Variants in ERICH1 observed in about 807,000 individuals in gnomAD.
ERICH1 encodes the protein glutamate-rich protein 1.
ERICH1 carries 56 observed loss-of-function variants against 39.6 expected under a neutral mutation model. The ratio of observed to expected loss-of-function variants is 1.41; its 90% CI spans 1.14 to 1.77. The LOEUF (loss-of-function observed/expected upper bound fraction) is 1.77, where lower values mean the gene tolerates loss of function less well. Ranked by LOEUF, ERICH1 falls within the 40% of genes most tolerant of loss-of-function variation. ERICH1 has a pLI of 0.00. For missense variants in ERICH1, 826 were observed against 575.4 expected, an observed-to-expected ratio of 1.44 and a Z score of -4.45; for synonymous variants, 313 against 223.6, an observed-to-expected ratio of 1.40 and a Z score of -3.57.
At chr8:638,762 C>A (rs1798660347) in intron 3 of ERICH1, among the ~76,000 whole-genome samples, 1 of 152,144 alleles carries the variant, frequency 6.6e-6, no homozygotes, top group Non-Finnish European at 1.5e-5. Context: ...TGAAGCCATT[C>A]CACCCTTTCG....
chr8:637,285 C>T (rs1016717411), intron 3 of ERICH1, among the ~76,000 whole-genome samples: 1 of 152,212 alleles, frequency 6.6e-6, no homozygotes, highest in Non-Finnish European at 1.5e-5. Flanking sequence ...AGCTGCTTCC[C>T]AGAGCTGCCA....
chr8:691,496 G>A (rs573805611), intron 3 of ERICH1, among the ~76,000 whole-genome samples: 1 of 152,234 alleles, frequency 6.6e-6, no homozygotes, highest in East Asian at 1.9e-4. Context: ...AACAGGAAGG[G>A]CGTGAGTGAG....
intron 3 of ERICH1, among the ~76,000 whole-genome samples, chr8:657,297 C>T (rs955668637): frequency 1.5e-4 from 23 of 151,980 alleles, no homozygotes; most frequent in African/African-American, 3.6e-4. Flanking sequence ...TTAAGAGTTC[C>T]GGGAAGGGGA....
chr8:717,864 CA>C (rs1481490076), intron 1 of ERICH1, among the ~76,000 whole-genome samples: 1 of 152,210 alleles, frequency 6.6e-6, no homozygotes, highest in Non-Finnish European at 1.5e-5. Flanking sequence ...TGGGCAGGCA[CA>C]AGACAGTCCC....
Position 673,805 on chromosome 8 carries a change from C to T in ERICH1, c.547G>A (p.Ala183Thr). 6.2e-7 allele frequency: 1 copy of T among 1,614,212 alleles called. No homozygotes were observed. The highest frequency in any genetic ancestry group is 8.5e-7 in the Non-Finnish European group (1 of 1,180,050). Residue 183 changes from alanine to threonine, a missense_variant, in exon 4 of 6, where the codon GCT becomes ACT. Coordinates refer to ENST00000262109, the MANE Select transcript of ERICH1 (RefSeq NM_207332.3). Reference sequence around the variant, plus strand: ...TGGTACATGAAACTGACACCAGCAGCCTTTGCTGCCAAGCCGGCTGCTTTC... The same window carrying T: ...TGGTACATGAAACTGACACCAGCAGTCTTTGCTGCCAAGCCGGCTGCTTTC... ...RKKAAGLAAK[A>T]AGVSFMYQPE... is the part of the protein sequence containing the mutation.
intron 2 of ERICH1, among the ~76,000 whole-genome samples, chr8:699,239 AG>A (rs1293399442): frequency 6.6e-6 from 1 of 152,104 alleles, no homozygotes; most frequent in African/African-American, 2.4e-5. Flanking sequence ...CAGGAACGAA[AG>A]AAAAAGGTAT....
At chr8:687,410 G>A (rs1305341326) in intron 3 of ERICH1, among the ~76,000 whole-genome samples, 3 of 152,358 alleles carry the variant, frequency 2.0e-5, no homozygotes, top group Middle Eastern at 6.8e-3. Context: ...ATAAAAAGCC[G>A]GCAACGCTCA....
At chr8:663,107 T>A (rs1321702912), downstream of ERICH1, among the ~76,000 whole-genome samples, 1 of 152,182 alleles carries the variant, frequency 6.6e-6, no homozygotes, top group Non-Finnish European at 1.5e-5. Context: ...GGCCACCAGA[T>A]CCAAGGGGAC....
chr8:651,141 G>T (rs1443839203), intron 3 of ERICH1, among the ~76,000 whole-genome samples: 2 of 152,178 alleles, frequency 1.3e-5, no homozygotes, highest in Non-Finnish European at 2.9e-5. Flanking sequence ...CTGCATTTCA[G>T]TTAAGTTGAA....
intron 3 of ERICH1, among the ~76,000 whole-genome samples, chr8:622,199 G>C (rs1437746572): frequency 6.6e-6 from 1 of 152,140 alleles, no homozygotes; most frequent in African/African-American, 2.4e-5. Flanking sequence ...TCCATCCTGG[G>C]TGACAGAGCA....
chr8:667,302 A>C (rs1585136882), intron 5 of ERICH1: 1 of 149,248 alleles, frequency 6.7e-6, no homozygotes, highest in Non-Finnish European at 1.5e-5. Flanking sequence ...CACCTTCTCC[A>C]CCTTCTGCAA....
intron 1 of ERICH1, among the ~76,000 whole-genome samples, chr8:722,667 A>G (rs184945971): frequency 1.5e-4 from 23 of 152,330 alleles, no homozygotes; most frequent in Admixed American, 1.4e-3. Context: ...AAGAGATTAA[A>G]ATAATGATCA....
At chr8:678,653 C>G (rs1805398494) in intron 3 of ERICH1, among the ~76,000 whole-genome samples, 1 of 152,044 alleles carries the variant, frequency 6.6e-6, no homozygotes, top group African/African-American at 2.4e-5. Context: ...ACTAAAAATA[C>G]AAAAATTAGC....
At chr8:704,585 G>A (rs972214669) in intron 2 of ERICH1, among the ~76,000 whole-genome samples, 9 of 152,098 alleles carry the variant, frequency 5.9e-5, no homozygotes, top group African/African-American at 2.4e-5. Flanking sequence ...CGGTGTTTAC[G>A]GAGACATAAA....
At chr8:689,142 C>T (rs1381031236) in intron 3 of ERICH1, among the ~76,000 whole-genome samples, 4 of 151,938 alleles carry the variant, frequency 2.6e-5, no homozygotes, top group South Asian at 2.1e-4. Context: ...GGCGAATTCT[C>T]GCTCTGTTGC....
rs891525799 is a variant in ERICH1, at chr8:731,044, G to A, written c.22+96C>T. The A allele has an allele frequency of 3.0e-6, 4 of 1,327,100 alleles. No homozygotes were observed. In the South Asian group the frequency reaches 7.1e-5, roughly 24 times the overall value. 82.2% of individuals were successfully genotyped at this position (1,327,100 alleles called of 1,614,324 possible). On this transcript the variant is annotated intron_variant, in intron 1 of 5. Transcript: ENST00000262109. The stretch of plus-strand genomic sequence containing the variant: ...CGGTCTGGGTTTGGGGTGGGGCCTG[G>A]AAAGGGGCCGGGGTCGGGGTCCCGA...
chr8:692,687 C>T lies in ERICH1; in HGVS notation c.170-75G>A, dbSNP rs868175226. 12 of 1,409,192 alleles carry T rather than the reference C, an allele frequency of 8.5e-6. No homozygotes were observed. The Admixed American group carries it at 8.8e-5, about 10-fold the overall frequency. The allele number at this position is 1,409,192 out of a possible 1,614,324, so 87.3% of individuals were successfully genotyped here. ...AGTCATTTATTTGCCTTGATTACAT[C>T]GGCATTGTTTCTCTAAATTCATTCA... On this transcript the variant is annotated intron_variant, in intron 2 of 5. Coordinates refer to ENST00000262109, the MANE Select transcript of ERICH1 (RefSeq NM_207332.3).
intron 3 of ERICH1, among the ~76,000 whole-genome samples, chr8:678,093 T>C (rs1477513262): frequency 6.6e-6 from 1 of 152,178 alleles, no homozygotes; most frequent in East Asian, 1.9e-4. Flanking sequence ...AAGTTTGTCA[T>C]ATTTTTTTCA....
chr8:647,986 G>C lies in ERICH1; in HGVS notation c.976+20612C>G, dbSNP rs1220672779. Among the ~76,000 whole-genome samples, 5 of 68,116 alleles carry C rather than the reference G, an allele frequency of 7.3e-5. 2 individuals are homozygous for C. Among genetic ancestry groups the C allele is most frequent in the African/African-American group, 1.9e-4 (5 of 26,146 alleles). 44.7% of individuals were successfully genotyped at this position (68,116 alleles called of 152,430 possible). On this transcript the variant is annotated intron_variant, in intron 3 of 3. Transcript: ENST00000522706. ...AAGGAGGAGGGCGGAATGGACATGA[G>C]GACAACTCGTTTCTGCCACAGCAAT...
Sources: gnomAD v4.1 joint callset for allele counts (sites outside exome capture counted in the v4.1 genomes callset) on GRCh38, gnomAD v4.1.1 for gene constraint, MANE v1.5 for transcripts, NCBI Gene and HGNC (gene_info 2026-07-23, HGNC 2026-07-21) for gene names.